Variants in DCAF6 observed in about 807,000 individuals in gnomAD.
DCAF6 encodes the protein DDB1- and CUL4-associated factor 6.
In DCAF6, 54 loss-of-function variants were observed where a neutral mutation model predicts 125.1. That is an observed-to-expected ratio of 0.43 (90% CI 0.35 to 0.54). DCAF6 has a LOEUF of 0.54. Ranked by LOEUF, DCAF6 falls within the 20% of genes least tolerant of loss-of-function variation. DCAF6 has a pLI of 0.01. For synonymous variants in DCAF6, 371 were observed against 390.4 expected (o/e 0.95, Z 0.58); for missense variants, 934 against 1,161.7 (o/e 0.80, Z 2.85).
At chr1:168,026,181 A>T (rs1351316433) in intron 12 of DCAF6, among the ~76,000 whole-genome samples, 1 of 152,092 alleles carries the variant, frequency 6.6e-6, no homozygotes, top group South Asian at 2.1e-4. Flanking sequence ...CACATTTGTA[A>T]TCATACATTT....
intron 13 of DCAF6, among the ~76,000 whole-genome samples, chr1:168,041,153 C>T (rs563423327): frequency 1.3e-5 from 2 of 152,142 alleles, no homozygotes; most frequent in African/African-American, 2.4e-5. Context: ...AGAGAAAGTA[C>T]GTAGCACTTA....
intron 2 of DCAF6, among the ~76,000 whole-genome samples, chr1:167,963,362 T>G (rs576113798): frequency 3.9e-5 from 6 of 152,166 alleles, no homozygotes; most frequent in African/African-American, 1.4e-4. Context: ...TGTTAACTGT[T>G]TCTGCTTTTT....
rs763862456 is a variant in DCAF6 at position 167,993,478 on chromosome 1, G to C, written c.903+38G>C. On this transcript the variant is annotated intron_variant, in intron 7 of 21. Transcript: ENST00000367840. ...AAAACCATGTCCTTTGGCCGGGCGC[G>C]GTGGCTCACGCCTGTAATCCCAGCG... The C allele has an allele frequency of 3.2e-6, 5 of 1,564,168 alleles. No individual in the cohort carries two copies. In the East Asian group the frequency reaches 1.1e-4, roughly 35 times the overall value.
intron 2 of DCAF6, among the ~76,000 whole-genome samples, chr1:167,963,648 C>CT (rs1477079393): frequency 2.0e-5 from 3 of 152,050 alleles, no homozygotes; most frequent in Non-Finnish European, 4.4e-5. Flanking sequence ...AGGCTGGTCT[C>CT]TAATTCCTGA....
chr1:167,867,897 A>G, the DCAF6 span, among the ~76,000 whole-genome samples: 1 of 152,188 alleles, frequency 6.6e-6, no homozygotes, highest in Non-Finnish European at 1.5e-5. Flanking sequence ...AGGATGAAAA[A>G]GACCCTGTTT....
the DCAF6 span, among the ~76,000 whole-genome samples, chr1:167,927,298 T>C: frequency 9.2e-5 from 14 of 152,236 alleles, no homozygotes; most frequent in African/African-American, 2.9e-4. Context: ...CTGAGTCTGA[T>C]GCCATAATGC....
chr1:167,936,792 C>G lies in DCAF6; in HGVS notation c.-120C>G. On this transcript the variant is annotated 5_prime_UTR_variant, in exon 1 of 22. Coordinates refer to ENST00000367840, the MANE Select transcript of DCAF6 (RefSeq NM_001198956.2). ...GCTGCCACCGCCATCTAACGCTGCG[C>G]CCTGGAGGCCCGGCGCGCGGATGGT... 1.1e-6 allele frequency: 1 copy of G among 884,390 alleles called. No individual in the cohort carries two copies. The allele number at this position is 884,390 out of a possible 1,614,324, so 54.8% of individuals were successfully genotyped here. A position where few individuals can be genotyped will look rare whatever the true frequency, so the allele number is the denominator to read the frequency against.
intron 11 of DCAF6, among the ~76,000 whole-genome samples, chr1:168,016,930 G>T (rs956642063): frequency 4.6e-5 from 7 of 151,922 alleles, no homozygotes; most frequent in African/African-American, 1.7e-4. Flanking sequence ...TTTATATATT[G>T]GTAGAATTGG....
intron 4 of DCAF6, among the ~76,000 whole-genome samples, chr1:167,980,348 T>C (rs1198229581): frequency 2.7e-5 from 4 of 148,926 alleles, no homozygotes; most frequent in Admixed American, 2.7e-4. Context: ...GAAGTAGAGA[T>C]TGCTGGATCA....
At chr1:167,865,968 A>G in the DCAF6 span, among the ~76,000 whole-genome samples, 1 of 152,228 alleles carries the variant, frequency 6.6e-6, no homozygotes, top group African/African-American at 2.4e-5. Context: ...AGGGCCATCC[A>G]GCCTCCGTCT....
chr1:167,981,201 C>T (rs181032415), intron 4 of DCAF6, among the ~76,000 whole-genome samples: 4 of 152,230 alleles, frequency 2.6e-5, no homozygotes, highest in Admixed American at 1.3e-4. Context: ...CCACCGCTCC[C>T]GGCCTCCCCC....
chr1:168,036,252 C>A (rs577533160), intron 12 of DCAF6, among the ~76,000 whole-genome samples: 8 of 152,210 alleles, frequency 5.3e-5, no homozygotes, highest in Non-Finnish European at 1.0e-4. Context: ...ATGTAGATAT[C>A]TATAACTGTC....
rs1465883307 is a variant in DCAF6 at position 168,075,641 on chromosome 1, A to C, written c.*206A>C. 2 of 485,154 alleles carry C rather than the reference A, an allele frequency of 4.1e-6. No homozygotes were observed. The highest frequency in any genetic ancestry group is 4.0e-5 in the African/African-American group (2 of 49,490). 30.1% of individuals were successfully genotyped at this position (485,154 alleles called of 1,614,324 possible). On this transcript the variant is annotated 3_prime_UTR_variant, in exon 22 of 22. Coordinates refer to ENST00000367840, the MANE Select transcript of DCAF6 (RefSeq NM_001198956.2). ...AAAACAAAACTAGCAGAATGTTTTTAAAACTTTTTGCCGTGTATGAGGAGT... is the reference window on the plus strand; with the variant it reads ...AAAACAAAACTAGCAGAATGTTTTTCAAACTTTTTGCCGTGTATGAGGAGT...
chr1:167,888,496 T>C, the DCAF6 span, among the ~76,000 whole-genome samples: 1 of 152,054 alleles, frequency 6.6e-6, no homozygotes, highest in South Asian at 2.1e-4. Flanking sequence ...GGTTAATTAC[T>C]AGGTACTTTA....
At chr1:167,959,209 T>C (rs796068023) in intron 2 of DCAF6, among the ~76,000 whole-genome samples, 29 of 152,358 alleles carry the variant, frequency 1.9e-4, no homozygotes, top group African/African-American at 7.0e-4. Context: ...TCATAGCTTC[T>C]AGCTCATTTC....
In DCAF6 at chr1:168,002,583, T is replaced by C. The variant is rs769529010; in HGVS notation, c.997+8T>C. On this transcript the variant is annotated splice_region_variant and intron_variant, in intron 8 of 21. Coordinates refer to ENST00000367840, the MANE Select transcript of DCAF6 (RefSeq NM_001198956.2). Reference sequence around the variant, plus strand: ...GTGAACGAGAACGAGATGGTAACTATACTTTGGTCAGCTTTTCTTTGTATA... The same window carrying C: ...GTGAACGAGAACGAGATGGTAACTACACTTTGGTCAGCTTTTCTTTGTATA... 6.2e-7 allele frequency: 1 copy of C among 1,608,858 alleles called. No individual in the cohort carries two copies. The highest frequency in any genetic ancestry group is 1.1e-5 in the South Asian group (1 of 90,468).
intron 6 of DCAF6, 150 bp downstream of exon 6, chr1:167,991,489 C>G: frequency 1.2e-6 from 1 of 830,742 alleles, no homozygotes; most frequent in Non-Finnish European, 1.7e-6. Flanking sequence ...TAACATTTCA[C>G]CAAGTGTTTA....
the DCAF6 span, among the ~76,000 whole-genome samples, chr1:167,870,754 A>T: frequency 2.0e-5 from 3 of 151,286 alleles, no homozygotes; most frequent in Admixed American, 2.0e-4. Context: ...GGTTGCAGCG[A>T]GCCGGGATCC....
chr1:167,997,418 C>G (rs1681884182), intron 7 of DCAF6, among the ~76,000 whole-genome samples: 1 of 152,168 alleles, frequency 6.6e-6, no homozygotes, highest in African/African-American at 2.4e-5. Flanking sequence ...TCTGGTTATT[C>G]CCTGTCACAC....
Sources: gnomAD v4.1 joint callset for allele counts (sites outside exome capture counted in the v4.1 genomes callset) on GRCh38, gnomAD v4.1.1 for gene constraint, MANE v1.5 for transcripts, NCBI Gene and HGNC (gene_info 2026-07-23, HGNC 2026-07-21) for gene names.